The following ZDHHC17 variants were observed in gnomAD, a reference collection of about 807,000 sequenced individuals.
ZDHHC17 encodes palmitoyltransferase ZDHHC17.
Under a neutral mutation model 90.3 loss-of-function variants are expected in ZDHHC17, and 40 were observed. The ratio of observed to expected loss-of-function variants is 0.44; its 90% CI spans 0.34 to 0.58. The LOEUF is 0.58. Ranked by LOEUF, ZDHHC17 falls within the 20% of genes least tolerant of loss-of-function variation. The pLI is 0.01. For synonymous variants in ZDHHC17, 235 were observed against 252.4 expected (o/e 0.93, Z 0.65); for missense variants, 614 against 780.8 (o/e 0.79, Z 2.55).
intron 10 of ZDHHC17, among the ~76,000 whole-genome samples, chr12:76,837,439 A>T (rs909224193): frequency 1.3e-5 from 2 of 152,138 alleles, no homozygotes; most frequent in African/African-American, 4.8e-5. Flanking sequence ...AGACTGCAGT[A>T]AGATATGATT....
chr12:76,793,284 G>T (rs1952781455), intron 1 of ZDHHC17, among the ~76,000 whole-genome samples: 2 of 152,210 alleles, frequency 1.3e-5, no homozygotes, highest in South Asian at 4.1e-4. Flanking sequence ...ACTTTGGGAG[G>T]CCGAAGTGGT....
intron 12 of ZDHHC17, chr12:76,844,181 C>T (rs887502324): frequency 2.6e-5 from 4 of 152,136 alleles, no homozygotes; most frequent in Admixed American, 2.0e-4. Flanking sequence ...ATACAGATAG[C>T]AGTTTCATTG....
At chr12:76,826,617 G>GCC (rs1953233455) in intron 8 of ZDHHC17, among the ~76,000 whole-genome samples, 1 of 152,154 alleles carries the variant, frequency 6.6e-6, no homozygotes, top group African/African-American at 2.4e-5. Flanking sequence ...CTGTTTGCTA[G>GCC]CCAGTGTATG....
chr12:76,768,401 A>G (rs1952455233), intron 1 of ZDHHC17, among the ~76,000 whole-genome samples: 1 of 152,080 alleles, frequency 6.6e-6, no homozygotes, highest in South Asian at 2.1e-4. Context: ...TTAAATTGTG[A>G]TTTTTCAATA....
intron 1 of ZDHHC17, among the ~76,000 whole-genome samples, chr12:76,797,038 G>A (rs1952827846): frequency 6.6e-6 from 1 of 152,040 alleles, no homozygotes; most frequent in African/African-American, 2.4e-5. Flanking sequence ...GCCAAGGCGG[G>A]CGGATCACGA....
intron 1 of ZDHHC17, among the ~76,000 whole-genome samples, chr12:76,780,328 C>G (rs934785166): frequency 6.6e-6 from 1 of 152,070 alleles, no homozygotes; most frequent in East Asian, 1.9e-4. Flanking sequence ...TAGTTTCCAG[C>G]ATAAAAGATA....
chr12:76,819,768 A>T (rs576971176), intron 7 of ZDHHC17, among the ~76,000 whole-genome samples: 1 of 152,264 alleles, frequency 6.6e-6, no homozygotes, highest in Admixed American at 6.5e-5. Flanking sequence ...AGGCTGAGGC[A>T]GGCGGATCAC....
At chr12:76,807,687 T>G (rs1181502302) in intron 3 of ZDHHC17, among the ~76,000 whole-genome samples, 1 of 152,196 alleles carries the variant, frequency 6.6e-6, no homozygotes, top group African/African-American at 2.4e-5. Context: ...TAGAATCAGT[T>G]TGGAAATTGC....
At chr12:76,834,293 G>A (rs1297337900) in intron 10 of ZDHHC17, among the ~76,000 whole-genome samples, 2 of 152,026 alleles carry the variant, frequency 1.3e-5, no homozygotes, top group African/African-American at 4.8e-5. Flanking sequence ...ACTGCTTATT[G>A]TGTTGACAAC....
chr12:76,846,363 T>C, intron 13 of ZDHHC17: 1 of 471,052 alleles, frequency 2.1e-6, no homozygotes, highest in Middle Eastern at 5.7e-4. Flanking sequence ...ATTTATTTAG[T>C]TCTTTGGGAC....
chr12:76,809,002 AAATG>A, intron 3 of ZDHHC17, 37 bp from the exon 4 acceptor site: 2 of 1,306,036 alleles, frequency 1.5e-6, no homozygotes, highest in Non-Finnish European at 2.0e-6. Flanking sequence ...TTAAAATTGA[AAATG>A]AAAGTTATTT....
At chr12:76,805,198 A>G in intron 2 of ZDHHC17, 119 bp from the exon 3 acceptor site, 1 of 991,290 alleles carries the variant, frequency 1.0e-6, no homozygotes, top group South Asian at 1.6e-5. Flanking sequence ...TTCTATGTTG[A>G]GAAATACATT....
At chr12:76,806,169 C>T (rs1477040907) in intron 3 of ZDHHC17, among the ~76,000 whole-genome samples, 1 of 152,178 alleles carries the variant, frequency 6.6e-6, no homozygotes, top group Non-Finnish European at 1.5e-5. Flanking sequence ...AATCTTGGCA[C>T]ACTGCAGCCT....
intron 2 of ZDHHC17, among the ~76,000 whole-genome samples, chr12:76,799,842 GA>G (rs1294404028): frequency 6.6e-6 from 1 of 152,198 alleles, no homozygotes; most frequent in African/African-American, 2.4e-5. Flanking sequence ...CCTGGGACCA[GA>G]AGTGTTTTGG....
intron 10 of ZDHHC17, among the ~76,000 whole-genome samples, chr12:76,837,000 A>G (rs911002843): frequency 6.6e-6 from 1 of 152,180 alleles, no homozygotes; most frequent in African/African-American, 2.4e-5. Context: ...TGCAAATAGC[A>G]TATAGGAATA....
chr12:76,833,653 A>T (rs1475337234), intron 10 of ZDHHC17, among the ~76,000 whole-genome samples: 1 of 152,032 alleles, frequency 6.6e-6, no homozygotes, highest in Non-Finnish European at 1.5e-5. Flanking sequence ...TTAGCCGGGC[A>T]TGGTGGCGGG....
At chr12:76,822,167 T>C (rs1318635214) in intron 7 of ZDHHC17, among the ~76,000 whole-genome samples, 2 of 152,222 alleles carry the variant, frequency 1.3e-5, no homozygotes. Flanking sequence ...CTCTCTAATA[T>C]GTCAAAATAC....
At chr12:76,804,995 T>A (rs1331858740) in intron 2 of ZDHHC17, among the ~76,000 whole-genome samples, 1 of 152,156 alleles carries the variant, frequency 6.6e-6, no homozygotes, top group Non-Finnish European at 1.5e-5. Context: ...TTTTTTAATA[T>A]GTGTGTATTT....
At chr12:76,781,994 TAGCTGATAA>T (rs537134796) in intron 1 of ZDHHC17, among the ~76,000 whole-genome samples, 116 of 152,338 alleles carry the variant, frequency 7.6e-4, no homozygotes, top group Non-Finnish European at 1.2e-3. Context: ...CTAAGGATAG[TAGCTGATAA>T]AGCTGATAAA....
Sources: gnomAD v4.1 joint callset for allele counts (sites outside exome capture counted in the v4.1 genomes callset) on GRCh38, gnomAD v4.1.1 for gene constraint, MANE v1.5 for transcripts, NCBI Gene and HGNC (gene_info 2026-07-23, HGNC 2026-07-21) for gene names.